The following HERC4 variants were observed in gnomAD, a reference collection of about 807,000 sequenced individuals.
The protein encoded by HERC4 is probable E3 ubiquitin-protein ligase HERC4.
In HERC4, 28 loss-of-function variants were observed where a neutral mutation model predicts 124.3. That is an observed-to-expected ratio of 0.23 (90% CI 0.17 to 0.31). The LOEUF is 0.31. Among genes scored for constraint, HERC4 ranks in the 10% least tolerant of loss-of-function variants. The pLI, the probability that HERC4 is intolerant of heterozygous loss-of-function variation, is 1.00. For synonymous variants in HERC4, 407 were observed against 421.5 expected (o/e 0.97, Z 0.42); for missense variants, 713 against 1,229.3 (o/e 0.58, Z 6.28).
At position 67,988,706 on chromosome 10, in the gene HERC4, C is replaced by T. The variant is rs1333546878; in HGVS notation, c.1763G>A (p.Ser588Asn). 6.3e-7 allele frequency: 1 copy of T among 1,595,912 alleles called. No homozygotes were observed. The highest frequency in any genetic ancestry group is 8.5e-7 in the Non-Finnish European group (1 of 1,172,522). The change falls in exon 15 of 25, where the codon AGT (serine) becomes AAT (asparagine). Residue 588 changes from serine (S) to asparagine (N), a missense_variant. Transcript: ENST00000373700. Reference protein sequence around the residue: ...IPPSERRIFNSFLHTALKVLE... With the variant: ...IPPSERRIFNNFLHTALKVLE... ...AACCTTTAATGCAGTATGAAGAAAA[C>T]TGTTGAAAATTCTTCTTTCAGAAGG... is the stretch of plus-strand genomic sequence containing the variant.
rs145281776 is a variant in HERC4, at chr10:67,973,884, T to C, written c.1807-7082A>G. ...CAACATGGTGAAACCCCATCTCTACTAAAAATAGAAAAATTAGCTGGGTGC... is the reference window on the plus strand; with the variant it reads ...CAACATGGTGAAACCCCATCTCTACCAAAAATAGAAAAATTAGCTGGGTGC... On this transcript the variant is annotated intron_variant, in intron 15 of 24. Transcript: ENST00000373700. 7.0e-4 allele frequency among the ~76,000 whole-genome samples: 106 copies of C among 151,616 alleles called. 1 individual carries two copies. The highest frequency in any genetic ancestry group is 9.3e-4 in the Non-Finnish European group (63 of 67,866).
At chr10:68,069,740 G>A in intron 3 of HERC4, 9 of 985,478 alleles carry the variant, frequency 9.1e-6, no homozygotes, top group Non-Finnish European at 1.1e-5. Flanking sequence ...TCTGACACAA[G>A]TTTAAAGTTC....
intron 9 of HERC4, chr10:68,010,865 A>T: frequency 2.6e-6 from 4 of 1,515,136 alleles, no homozygotes; most frequent in Non-Finnish European, 3.6e-6. Flanking sequence ...CAGAGCTTTG[A>T]GATGTCCTGG....
chr10:68,034,617 A>C (rs1382128369), intron 5 of HERC4, among the ~76,000 whole-genome samples: 1 of 152,050 alleles, frequency 6.6e-6, no homozygotes, highest in African/African-American at 2.4e-5. Flanking sequence ...TGAGCAAAAA[A>C]CCCACATAAC....
chr10:68,030,411 A>T (rs1306470809), intron 7 of HERC4, among the ~76,000 whole-genome samples: 1 of 152,188 alleles, frequency 6.6e-6, no homozygotes. Flanking sequence ...ACTGTACTCC[A>T]GCCTGGGTGA....
At chr10:67,946,295 T>C (rs2033324733) in intron 19 of HERC4, among the ~76,000 whole-genome samples, 1 of 145,298 alleles carries the variant, frequency 6.9e-6, no homozygotes, top group Admixed American at 6.9e-5. Flanking sequence ...TCAATATAAA[T>C]GGACTAAACT....
chr10:68,061,532 CAAAAAA>C (rs59169970), intron 3 of HERC4, among the ~76,000 whole-genome samples: 2 of 14,000 alleles, frequency 1.4e-4, no homozygotes, highest in East Asian at 3.6e-3. Context: ...GACTCCGTCT[CAAAAAA>C]AAAAAAAAAA....
chr10:67,933,716 C>G (rs1280743708), intron 22 of HERC4, among the ~76,000 whole-genome samples: 1 of 152,006 alleles, frequency 6.6e-6, no homozygotes. Flanking sequence ...TTTAAAACAT[C>G]AAATAGTAAC....
At chr10:68,066,778 C>T (rs1190643948) in intron 3 of HERC4, among the ~76,000 whole-genome samples, 1 of 152,122 alleles carries the variant, frequency 6.6e-6, no homozygotes, top group African/African-American at 2.4e-5. Flanking sequence ...CTGGGCATTA[C>T]CATAGTTAAG....
intron 3 of HERC4, among the ~76,000 whole-genome samples, chr10:68,048,843 ATT>A (rs1267943356): frequency 2.0e-5 from 3 of 152,192 alleles, no homozygotes; most frequent in African/African-American, 7.2e-5. Flanking sequence ...TATTTTTTAA[ATT>A]TGTTTTTTAA....
intron 9 of HERC4, chr10:68,010,427 G>A (rs2037875171): frequency 1.1e-6 from 1 of 935,782 alleles, no homozygotes; most frequent in Non-Finnish European, 1.7e-6. Context: ...CATAATCACT[G>A]CTTGATTGCT....
intron 5 of HERC4, among the ~76,000 whole-genome samples, chr10:68,036,531 G>A (rs1323955306): frequency 6.6e-6 from 1 of 152,040 alleles, no homozygotes; most frequent in Non-Finnish European, 1.5e-5. Flanking sequence ...ACTGCCTATA[G>A]AAGTCCAAAT....
chr10:68,048,234 T>C (rs2040114373), intron 3 of HERC4, among the ~76,000 whole-genome samples: 1 of 152,306 alleles, frequency 6.6e-6, no homozygotes, highest in Admixed American at 6.5e-5. Flanking sequence ...CAGAAGTTTC[T>C]AGCAGTTTTA....
chr10:68,013,697 A>G (rs978011783), intron 9 of HERC4, among the ~76,000 whole-genome samples: 1 of 152,218 alleles, frequency 6.6e-6, no homozygotes, highest in African/African-American at 2.4e-5. Flanking sequence ...CTACTTAAAA[A>G]ATGGTTACGT....
intron 13 of HERC4, 32 bp downstream of exon 13, chr10:67,990,869 GATA>G (rs1251645091): frequency 8.8e-6 from 12 of 1,369,560 alleles, no homozygotes; most frequent in Admixed American, 1.9e-5. Flanking sequence ...AAAATCAACA[GATA>G]ATACTGTAAA....
chr10:68,070,858 C>T (rs2041541298), intron 3 of HERC4, among the ~76,000 whole-genome samples: 2 of 152,082 alleles, frequency 1.3e-5, no homozygotes, highest in South Asian at 4.1e-4. Context: ...TTTATGTGAT[C>T]ACCAATAGAA....
chr10:68,018,747 T>C (rs866964960), intron 8 of HERC4, among the ~76,000 whole-genome samples: 2 of 152,134 alleles, frequency 1.3e-5, no homozygotes, highest in Non-Finnish European at 2.9e-5. Flanking sequence ...GAGATATGCA[T>C]GACCTCTATG....
intron 15 of HERC4, among the ~76,000 whole-genome samples, chr10:67,973,464 G>A (rs2132533704): frequency 6.6e-6 from 1 of 152,332 alleles, no homozygotes. Flanking sequence ...ATGCCAATGA[G>A]TTCTGGCATG....
rs192080583 is a variant in HERC4, at chr10:68,059,778, T to C, written c.226+13105A>G. Reference sequence around the variant, plus strand: ...TATTATATATCATAATATTATATATTATAATATTATATATCATAATATTAT... The same window carrying C: ...TATTATATATCATAATATTATATATCATAATATTATATATCATAATATTAT... On this transcript the variant is annotated intron_variant, in intron 3 of 24. Transcript: ENST00000373700. Among the ~76,000 whole-genome samples, 80 of 73,576 alleles carry C rather than the reference T, an allele frequency of 1.1e-3. 2 individuals are homozygous for C. The highest frequency in any genetic ancestry group is 2.0e-3 in the Admixed American group (8 of 3,994). The allele number at this position is 73,576 out of a possible 152,430, so 48.3% of individuals were successfully genotyped here. A position where few individuals can be genotyped will look rare whatever the true frequency, so the allele number is the denominator to read the frequency against.
Sources: allele counts gnomAD v4.1 joint callset (sites outside exome capture counted in the v4.1 genomes callset), GRCh38; gene constraint gnomAD v4.1.1; transcripts MANE v1.5; gene names NCBI Gene and HGNC (gene_info 2026-07-23, HGNC 2026-07-21).